The following COL15A1 variants were observed in gnomAD, a reference collection of about 807,000 sequenced individuals.
COL15A1 encodes collagen type XV alpha 1 chain.
In COL15A1, 111 loss-of-function variants were observed where a neutral mutation model predicts 165.9. The observed-to-expected ratio is 0.67, with a 90% CI of 0.57 to 0.78. COL15A1 has a LOEUF of 0.78. Among genes scored for constraint, COL15A1 ranks in the 30% least tolerant of loss-of-function variants. The pLI, the probability that COL15A1 is intolerant of heterozygous loss-of-function variation, is 0.00. For synonymous variants in COL15A1, 659 were observed against 674.8 expected (o/e 0.98, Z 0.36); for missense variants, 1,745 against 1,789.7 (o/e 0.98, Z 0.45).
chr9:98,952,970 C>T (rs958137087), intron 2 of COL15A1, among the ~76,000 whole-genome samples: 3 of 152,118 alleles, frequency 2.0e-5, no homozygotes, highest in African/African-American at 7.2e-5. Flanking sequence ...AGAGAAGTTA[C>T]CCCTGCCTAC....
intron 28 of COL15A1, among the ~76,000 whole-genome samples, chr9:99,048,422 G>A (rs1463587993): frequency 6.6e-6 from 1 of 152,156 alleles, no homozygotes; most frequent in African/African-American, 2.4e-5. Context: ...GGGCCTCCCA[G>A]GTTGGCAAAC....
chr9:99,047,115 G>C (rs1839504476), intron 26 of COL15A1, among the ~76,000 whole-genome samples: 1 of 152,202 alleles, frequency 6.6e-6, no homozygotes, highest in African/African-American at 2.4e-5. Context: ...ATCATCAGTG[G>C]TGTTGTCTGT....
chr9:99,031,353 C>A (rs1839210912), intron 16 of COL15A1, among the ~76,000 whole-genome samples: 1 of 152,114 alleles, frequency 6.6e-6, no homozygotes, highest in Non-Finnish European at 1.5e-5. Flanking sequence ...CCACGCATGC[C>A]CCCAGGTGAG....
In COL15A1 at chr9:98,985,468, T is replaced by G. The variant is rs1287191623; in HGVS notation, c.101-97T>G. On this transcript the variant is annotated intron_variant, in intron 2 of 41. Coordinates refer to ENST00000375001, the MANE Select transcript of COL15A1 (RefSeq NM_001855.5). ...GGAACTACAGTTTCAGTGGGGTTCC[T>G]GAGTGATCCCGTTTCATTTGTGACT... 3 of 1,209,090 alleles carry G rather than the reference T, an allele frequency of 2.5e-6. No homozygotes were observed. In the African/African-American group the frequency reaches 4.6e-5, roughly 18 times the overall value. The allele number at this position is 1,209,090 out of a possible 1,614,324, so 74.9% of individuals were successfully genotyped here. A position where few individuals can be genotyped will look rare whatever the true frequency, so the allele number is the denominator to read the frequency against.
At position 98,944,052 on chromosome 9, in the gene COL15A1, G is replaced by A. The variant is rs574252630; in HGVS notation, c.-10G>A. The stretch of plus-strand genomic sequence containing the variant: ...GCCGCGCGCCTTCCGGGGCTCCGCA[G>A]ACCCGCGAGATGGCACCAAGGTAAG... On this transcript the variant is annotated 5_prime_UTR_variant, in exon 1 of 42. Transcript: ENST00000375001. 6.9e-5 allele frequency: 112 copies of A among 1,614,060 alleles called. No homozygotes were observed. The African/African-American group carries it at 1.3e-3, about 19-fold the overall frequency.
chr9:98,965,651 A>G (rs1837943921), intron 2 of COL15A1, among the ~76,000 whole-genome samples: 1 of 152,136 alleles, frequency 6.6e-6, no homozygotes, highest in African/African-American at 2.4e-5. Flanking sequence ...GGGTTTGCTC[A>G]TGCTCTGCTC....
intron 2 of COL15A1, among the ~76,000 whole-genome samples, chr9:98,970,191 C>T (rs1838023817): frequency 6.6e-6 from 1 of 152,094 alleles, no homozygotes; most frequent in Admixed American, 6.5e-5. Context: ...ATGCACAAAA[C>T]AAACATTTAT....
intron 39 of COL15A1, 33 bp from the exon 40 acceptor site, chr9:99,066,849 T>G: frequency 1.3e-6 from 2 of 1,589,970 alleles, no homozygotes; most frequent in Non-Finnish European, 1.7e-6. Flanking sequence ...TGCCTTTGAT[T>G]CTGACTGCTC....
At chr9:99,011,031 A>T (rs1838840349) in intron 9 of COL15A1, among the ~76,000 whole-genome samples, 1 of 152,230 alleles carries the variant, frequency 6.6e-6, no homozygotes, top group Admixed American at 6.5e-5. Context: ...AGGAAAAAAA[A>T]TCTTACAGGA....
At position 99,068,677 on chromosome 9, in the gene COL15A1, G is replaced by A; in HGVS notation, c.3953+7G>A. 6.7e-7 allele frequency: 1 copy of A among 1,482,342 alleles called. No homozygotes were observed. The highest frequency in any genetic ancestry group is 1.3e-5 in the South Asian group (1 of 78,736). 91.8% of individuals were successfully genotyped at this position (1,482,342 alleles called of 1,614,324 possible). A position where few individuals can be genotyped will look rare whatever the true frequency, so the allele number is the denominator to read the frequency against. On this transcript the variant is annotated splice_region_variant and intron_variant, in intron 41 of 41. Transcript: ENST00000375001. The stretch of plus-strand genomic sequence containing the variant: ...TAATGACAGATCCTTCTTGGTAAGT[G>A]AGGGTGGAAGTTCTCAGATATGGTG...
chr9:99,056,111 C>T, intron 34 of COL15A1, 149 bp from the exon 35 acceptor site: 1 of 847,468 alleles, frequency 1.2e-6, no homozygotes, highest in East Asian at 2.6e-5. Context: ...GAGGCCTTAC[C>T]CCACCTTGAA....
At chr9:98,993,380 T>C (rs931081811) in intron 5 of COL15A1, among the ~76,000 whole-genome samples, 1 of 152,164 alleles carries the variant, frequency 6.6e-6, no homozygotes, top group Admixed American at 6.5e-5. Context: ...TGGCTTGGGC[T>C]GACAGGCATG....
intron 30 of COL15A1, among the ~76,000 whole-genome samples, chr9:99,051,906 AC>A (rs1450850730): frequency 6.6e-6 from 1 of 152,060 alleles, no homozygotes; most frequent in African/African-American, 2.4e-5. Context: ...TCTAATGATA[AC>A]CCCCTTTGCT....
intron 16 of COL15A1, among the ~76,000 whole-genome samples, 157 bp from the exon 17 acceptor site, chr9:99,034,392 A>G (rs1314757465): frequency 6.6e-6 from 1 of 152,150 alleles, no homozygotes; most frequent in East Asian, 1.9e-4. Context: ...ACTGGCACCT[A>G]TTGTAATGTG....
chr9:98,957,839 T>C (rs1165253648), intron 2 of COL15A1, among the ~76,000 whole-genome samples: 2 of 152,200 alleles, frequency 1.3e-5, no homozygotes, highest in Admixed American at 6.5e-5. Context: ...CCACCATGCC[T>C]GAATAATTTT....
intron 9 of COL15A1, among the ~76,000 whole-genome samples, chr9:99,008,339 G>A (rs1208569667): frequency 6.6e-6 from 1 of 152,144 alleles, no homozygotes; most frequent in Non-Finnish European, 1.5e-5. Context: ...TGTAGACAAG[G>A]TATGAGGCCA....
intron 26 of COL15A1, 140 bp downstream of exon 26, chr9:99,044,910 T>C: frequency 6.7e-6 from 5 of 748,318 alleles, no homozygotes; most frequent in Non-Finnish European, 1.2e-5. Context: ...TATACTAGGG[T>C]AAGGCTGACT....
intron 39 of COL15A1, among the ~76,000 whole-genome samples, chr9:99,066,173 G>T (rs754737554): frequency 7.5e-5 from 10 of 134,204 alleles, no homozygotes; most frequent in Non-Finnish European, 1.4e-4. Context: ...CATTCCAGAG[G>T]GTGTGGCAGA....
At chr9:99,062,174 A>C in intron 37 of COL15A1, 71 bp from the exon 38 acceptor site, 1 of 1,601,160 alleles carries the variant, frequency 6.2e-7, no homozygotes, top group South Asian at 1.1e-5. Flanking sequence ...CATAAATGCC[A>C]TTTTTTTCTG....
Sources: gnomAD v4.1 joint callset for allele counts (sites outside exome capture counted in the v4.1 genomes callset) on GRCh38, gnomAD v4.1.1 for gene constraint, MANE v1.5 for transcripts, NCBI Gene and HGNC (gene_info 2026-07-23, HGNC 2026-07-21) for gene names.